COL19A1: variants seen among roughly 807,000 people sequenced by gnomAD.
COL19A1 encodes collagen alpha-1(XIX) chain.
Under a neutral mutation model 190.2 loss-of-function variants are expected in COL19A1, and 159 were observed. That is an observed-to-expected ratio of 0.84 (90% CI 0.73 to 0.95). The LOEUF (loss-of-function observed/expected upper bound fraction) is 0.95. Ranked by LOEUF, COL19A1 falls within the 40% of genes least tolerant of loss-of-function variation. COL19A1 has a pLI of 0.00. For missense variants in COL19A1, 1,418 were observed against 1,431.9 expected, an observed-to-expected ratio of 0.99 and a Z score of 0.16; for synonymous variants, 509 against 458.9, an observed-to-expected ratio of 1.11 and a Z score of -1.39.
chr6:70,051,575 G>A (rs998436414), intron 14 of COL19A1, among the ~76,000 whole-genome samples: 1 of 152,138 alleles, frequency 6.6e-6, no homozygotes, highest in African/African-American at 2.4e-5. Context: ...CCAAAAGGGA[G>A]ACTTTATCTT....
At chr6:70,157,526 A>G (rs572509417) in intron 34 of COL19A1, among the ~76,000 whole-genome samples, 1 of 152,204 alleles carries the variant, frequency 6.6e-6, no homozygotes, top group East Asian at 1.9e-4. Flanking sequence ...TATAAAGAAA[A>G]TCTATTTTTC....
intron 11 of COL19A1, 150 bp from the exon 12 acceptor site, chr6:70,023,477 G>T: frequency 1.6e-6 from 1 of 617,040 alleles, no homozygotes; most frequent in Non-Finnish European, 2.7e-6. Context: ...TTGGTTTTAC[G>T]ACTCAGGATT....
chr6:70,040,913 T>C (rs993119915), intron 14 of COL19A1, among the ~76,000 whole-genome samples: 2 of 152,218 alleles, frequency 1.3e-5, no homozygotes, highest in African/African-American at 4.8e-5. Context: ...ATAAAAGATA[T>C]TGAAATTCAA....
At chr6:70,168,421 G>A (rs757343377) in intron 39 of COL19A1, among the ~76,000 whole-genome samples, 1 of 152,078 alleles carries the variant, frequency 6.6e-6, no homozygotes, top group African/African-American at 2.4e-5. Flanking sequence ...TTTTCATGGT[G>A]GTGTCACTTT....
intron 2 of COL19A1, chr6:69,890,988 A>C: frequency 3.5e-6 from 1 of 284,620 alleles, no homozygotes. Flanking sequence ...GCTCCTTCAG[A>C]GGCCTATCTA....
At position 70,141,907 on chromosome 6, in the gene COL19A1, A is replaced by G. The variant is rs762106542; in HGVS notation, c.1497A>G (p.Val499=). ...TTTATTTACAGGGAGAACCTGGGGTAATAGGATCACAGGGAGTAAAGGTAA... is the reference window on the plus strand; with the variant it reads ...TTTATTTACAGGGAGAACCTGGGGTGATAGGATCACAGGGAGTAAAGGTAA... ...GEKGDRGEPG[V]IGSQGVKGEP... Residue 499 remains valine (V), a synonymous_variant, in exon 21 of 51, where the codon GTA becomes GTG. Transcript: ENST00000620364. 1 of 1,596,376 alleles carries G rather than the reference A, an allele frequency of 6.3e-7. No individual in the cohort carries two copies. Among genetic ancestry groups the G allele is most frequent in the East Asian group, 2.2e-5 (1 of 44,746 alleles).
At chr6:69,990,940 A>C (rs1033988499) in intron 11 of COL19A1, among the ~76,000 whole-genome samples, 2 of 151,956 alleles carry the variant, frequency 1.3e-5, no homozygotes, top group African/African-American at 4.8e-5. Flanking sequence ...GGTTTGTTAC[A>C]TGAGTAAATT....
chr6:70,098,156 A>C (rs1378935398), intron 15 of COL19A1, among the ~76,000 whole-genome samples: 1 of 152,302 alleles, frequency 6.6e-6, no homozygotes. Context: ...AGAGCCCTGC[A>C]AAGAAAATAA....
At chr6:69,890,095 ACACT>A (rs1176112948) in intron 2 of COL19A1, 2 of 153,994 alleles carry the variant, frequency 1.3e-5, no homozygotes, top group Admixed American at 1.3e-4. Context: ...AAGAGCTGTA[ACACT>A]CACTGTGAAG....
chr6:70,144,623 A>G (rs1015628946), intron 24 of COL19A1, among the ~76,000 whole-genome samples: 5 of 152,220 alleles, frequency 3.3e-5, no homozygotes, highest in Non-Finnish European at 7.3e-5. Flanking sequence ...CTTAAAGAAA[A>G]CATAAAGATC....
chr6:69,885,892 A>C (rs923361484), intron 2 of COL19A1, among the ~76,000 whole-genome samples: 1 of 152,234 alleles, frequency 6.6e-6, no homozygotes, highest in Non-Finnish European at 1.5e-5. Context: ...AGAAGCGATC[A>C]TGGGGGAATA....
intron 1 of COL19A1, among the ~76,000 whole-genome samples, chr6:69,875,923 T>C (rs1319473865): frequency 3.3e-5 from 5 of 151,708 alleles, no homozygotes. Context: ...TAAGGAGACA[T>C]TATAAAGAGA....
intron 14 of COL19A1, among the ~76,000 whole-genome samples, chr6:70,064,467 A>T (rs1332770484): frequency 6.6e-6 from 1 of 152,192 alleles, no homozygotes; most frequent in African/African-American, 2.4e-5. Context: ...ATCTCAAAAT[A>T]ATAAGAGCTA....
At chr6:70,042,632 T>C (rs1418053485) in intron 14 of COL19A1, among the ~76,000 whole-genome samples, 2 of 152,200 alleles carry the variant, frequency 1.3e-5, no homozygotes, top group Admixed American at 6.5e-5. Context: ...GCCACCTTAA[T>C]TGACTTTTCC....
chr6:69,884,196 G>A (rs1009128144), intron 2 of COL19A1, among the ~76,000 whole-genome samples: 3 of 152,044 alleles, frequency 2.0e-5, no homozygotes, highest in Non-Finnish European at 2.9e-5. Flanking sequence ...TTAGCTGTGC[G>A]TGGTGGCAGG....
At chr6:70,059,506 A>G (rs923699977) in intron 14 of COL19A1, among the ~76,000 whole-genome samples, 3 of 152,164 alleles carry the variant, frequency 2.0e-5, no homozygotes, top group African/African-American at 4.8e-5. Flanking sequence ...TTCCATGATG[A>G]TAAGCTCTAG....
At chr6:70,070,979 T>G (rs1781513191) in intron 15 of COL19A1, among the ~76,000 whole-genome samples, 1 of 152,152 alleles carries the variant, frequency 6.6e-6, no homozygotes, top group Non-Finnish European at 1.5e-5. Flanking sequence ...TAAGGCTATT[T>G]AAATGAAACA....
chr6:70,191,434 G>T (rs147977409), intron 48 of COL19A1, among the ~76,000 whole-genome samples: 1 of 152,200 alleles, frequency 6.6e-6, no homozygotes, highest in East Asian at 1.9e-4. Context: ...CAGGTTGGCT[G>T]ACCCTATAAC....
At chr6:70,182,930 G>T (rs1766270016) in intron 44 of COL19A1, among the ~76,000 whole-genome samples, 1 of 152,122 alleles carries the variant, frequency 6.6e-6, no homozygotes, top group African/African-American at 2.4e-5. Flanking sequence ...TGGAGTGTGG[G>T]GGTGCCAAAG....
Sources: allele counts gnomAD v4.1 joint callset (sites outside exome capture counted in the v4.1 genomes callset), GRCh38; gene constraint gnomAD v4.1.1; transcripts MANE v1.5; gene names NCBI Gene and HGNC (gene_info 2026-07-23, HGNC 2026-07-21).